WRN: variants seen among roughly 807,000 people sequenced by gnomAD.
The protein encoded by WRN is WRN RecQ like helicase.
WRN carries 149 observed loss-of-function variants against 180.7 expected under a neutral mutation model. That is an observed-to-expected ratio of 0.82 (90% confidence interval 0.72 to 0.94). WRN has a LOEUF of 0.94. Ranked by LOEUF, WRN falls within the 40% of genes least tolerant of loss-of-function variation. WRN has a pLI of 0.00. For missense variants in WRN, 1,661 were observed against 1,700.1 expected (o/e 0.98, Z 0.40); for synonymous variants, 548 against 568.9 (o/e 0.96, Z 0.52).
intron 18 of WRN, among the ~76,000 whole-genome samples, chr8:31,108,862 G>C (rs1801195669): frequency 6.6e-6 from 1 of 152,140 alleles, no homozygotes; most frequent in South Asian, 2.1e-4. Flanking sequence ...AGGGTCAAAA[G>C]CTGAGCCCAA....
intron 24 of WRN, among the ~76,000 whole-genome samples, chr8:31,135,215 T>C (rs957731535): frequency 3.3e-5 from 5 of 151,694 alleles, no homozygotes; most frequent in African/African-American, 1.2e-4. Context: ...CACCCAGCTA[T>C]TTTTTTTATT....
intron 21 of WRN, among the ~76,000 whole-genome samples, chr8:31,121,304 TAA>T (rs1456636142): frequency 2.0e-5 from 3 of 151,958 alleles, no homozygotes; most frequent in African/African-American, 7.2e-5. Context: ...AGTAAAATGA[TAA>T]GAGAGTGCCT....
intron 24 of WRN, among the ~76,000 whole-genome samples, chr8:31,136,680 A>T (rs1311398264): frequency 6.6e-6 from 1 of 152,138 alleles, no homozygotes; most frequent in Non-Finnish European, 1.5e-5. Context: ...TATAAAAAAA[A>T]ATTTAAAAAT....
At chr8:31,134,399 A>C (rs1424799106) in intron 24 of WRN, among the ~76,000 whole-genome samples, 1 of 152,226 alleles carries the variant, frequency 6.6e-6, no homozygotes, top group African/African-American at 2.4e-5. Flanking sequence ...GATTTTTCTG[A>C]ATAGTATAAA....
At chr8:31,039,087 A>G (rs569899315) in intron 1 of WRN, among the ~76,000 whole-genome samples, 1 of 152,120 alleles carries the variant, frequency 6.6e-6, no homozygotes, top group South Asian at 2.1e-4. Flanking sequence ...GAGTTTGAGG[A>G]TCACCTTTTC....
At chr8:31,108,190 A>T (rs1801169807) in intron 18 of WRN, among the ~76,000 whole-genome samples, 1 of 152,230 alleles carries the variant, frequency 6.6e-6, no homozygotes, top group South Asian at 2.1e-4. Context: ...ACATTTTGTG[A>T]GTTAAGAACT....
Position 31,109,310 on chromosome 8 carries a change from T to A in WRN, c.2089-2305T>A, listed in dbSNP as rs567994769. 1.8e-4 allele frequency among the ~76,000 whole-genome samples: 28 copies of A among 152,352 alleles called. No homozygotes were observed. The South Asian group carries it at 5.0e-3, about 27-fold the overall frequency. On this transcript the variant is annotated intron_variant, in intron 18 of 34. Coordinates refer to ENST00000298139, the MANE Select transcript of WRN (RefSeq NM_000553.6). The stretch of plus-strand genomic sequence containing the variant: ...GAAGTACTATTAATTTTTAATATAG[T>A]CTGATACTTTATTTTCTAATTGTAG...
chr8:31,069,438 A>G (rs571076127), intron 7 of WRN, among the ~76,000 whole-genome samples: 3 of 152,248 alleles, frequency 2.0e-5, no homozygotes, highest in Non-Finnish European at 4.4e-5. Flanking sequence ...TGTGGATTCA[A>G]CCAACCACAG....
At chr8:31,115,242 C>T (rs1563359992) in intron 19 of WRN, among the ~76,000 whole-genome samples, 1 of 152,230 alleles carries the variant, frequency 6.6e-6, no homozygotes, top group African/African-American at 2.4e-5. Flanking sequence ...ATTTTTCACT[C>T]CATTAAGTAG....
At chr8:31,038,757 T>TG (rs1284152740) in intron 1 of WRN, among the ~76,000 whole-genome samples, 2 of 152,220 alleles carry the variant, frequency 1.3e-5, no homozygotes, top group Non-Finnish European at 2.9e-5. Context: ...TTGTATATGG[T>TG]GTGAGGTAGG....
intron 3 of WRN, among the ~76,000 whole-genome samples, chr8:31,061,551 T>C (rs1383309937): frequency 1.3e-5 from 2 of 152,036 alleles, no homozygotes; most frequent in African/African-American, 2.4e-5. Context: ...AATTAGGCAT[T>C]GTGATCTTAC....
chr8:31,043,794 C>A (rs1811744712), intron 1 of WRN, among the ~76,000 whole-genome samples: 2 of 152,124 alleles, frequency 1.3e-5, no homozygotes, highest in Non-Finnish European at 2.9e-5. Flanking sequence ...ATATGCCTGA[C>A]CTCAGTCCCA....
chr8:31,163,492 C>T (rs1380657302), intron 33 of WRN, among the ~76,000 whole-genome samples: 1 of 151,976 alleles, frequency 6.6e-6, no homozygotes, highest in Non-Finnish European at 1.5e-5. Flanking sequence ...TCTCTTTTTA[C>T]TCGTGTTAAA....
chr8:31,038,541 T>G (rs1424961268), intron 1 of WRN, among the ~76,000 whole-genome samples: 2 of 152,176 alleles, frequency 1.3e-5, no homozygotes, highest in Non-Finnish European at 2.9e-5. Flanking sequence ...GATATTGTTC[T>G]TTGATTCACT....
intron 33 of WRN, among the ~76,000 whole-genome samples, chr8:31,164,075 C>T (rs908020871): frequency 2.6e-5 from 4 of 152,194 alleles, no homozygotes; most frequent in Non-Finnish European, 2.9e-5. Flanking sequence ...TAGCCTTAAG[C>T]GATCCTCCCA....
At chr8:31,136,823 C>T (rs1397598736) in intron 24 of WRN, among the ~76,000 whole-genome samples, 1 of 147,916 alleles carries the variant, frequency 6.8e-6, no homozygotes. Context: ...GGTGACAGAG[C>T]AATACCCTGT....
chr8:31,048,735 G>A (rs956761310), intron 1 of WRN, among the ~76,000 whole-genome samples: 2 of 152,168 alleles, frequency 1.3e-5, no homozygotes, highest in Non-Finnish European at 2.9e-5. Flanking sequence ...ACATAATTGT[G>A]TTGGTGAAGC....
intron 17 of WRN, among the ~76,000 whole-genome samples, chr8:31,100,149 C>T (rs1316795100): frequency 1.3e-5 from 2 of 152,156 alleles, no homozygotes; most frequent in Admixed American, 1.3e-4. Flanking sequence ...AATCTGAAAA[C>T]ATTGTCACGG....
At chr8:31,052,585 G>A (rs1341863797) in intron 1 of WRN, among the ~76,000 whole-genome samples, 4 of 151,914 alleles carry the variant, frequency 2.6e-5, no homozygotes, top group Non-Finnish European at 5.9e-5. Flanking sequence ...ACGGGGTTTC[G>A]CCATATGCCC....
Sources: gnomAD v4.1 joint callset for allele counts (sites outside exome capture counted in the v4.1 genomes callset) on GRCh38, gnomAD v4.1.1 for gene constraint, MANE v1.5 for transcripts, NCBI Gene and HGNC (gene_info 2026-07-23, HGNC 2026-07-21) for gene names.